ABCC6: variants seen among roughly 807,000 people sequenced by gnomAD.
ABCC6 encodes the protein ATP binding cassette subfamily C member 6.
Under a neutral mutation model 169.5 loss-of-function variants are expected in ABCC6, and 126 were observed. That is an observed-to-expected ratio of 0.74 (90% CI 0.64 to 0.86). The LOEUF is 0.86. Among genes scored for constraint, ABCC6 ranks in the 40% least tolerant of loss-of-function variants. The pLI is 0.00. For synonymous variants in ABCC6, 752 were observed against 814.7 expected, an observed-to-expected ratio of 0.92 and a Z score of 1.31; for missense variants, 1,733 against 1,927.2, an observed-to-expected ratio of 0.90 and a Z score of 1.89.
At chr16:16,161,259 G>T (rs1447963405) in intron 25 of ABCC6, among the ~76,000 whole-genome samples, 179 bp downstream of exon 25, 1 of 152,080 alleles carries the variant, frequency 6.6e-6, no homozygotes, top group Non-Finnish European at 1.5e-5. Flanking sequence ...CTTGCCCAAG[G>T]TTGCAAGTTC....
At chr16:16,167,289 G>A (rs2046908692) in intron 22 of ABCC6, among the ~76,000 whole-genome samples, 1 of 152,152 alleles carries the variant, frequency 6.6e-6, no homozygotes, top group African/African-American at 2.4e-5. Context: ...CTGGAGCCGT[G>A]GAATATCATC....
In ABCC6 at chr16:16,169,718, G is replaced by A. The variant is rs1374853367; in HGVS notation, c.2923C>T (p.Pro975Ser). The A allele has an allele frequency of 6.2e-7, 1 of 1,610,776 alleles. No homozygotes were observed. The highest frequency in any genetic ancestry group is 1.7e-5 in the Admixed American group (1 of 59,784). Residue 975 changes from proline (P) to serine (S), a missense_variant, in exon 22 of 31, where the codon CCT becomes TCT. This residue lies in a region of ABCC6 where 1,601 missense variants were observed against 1,635.5 expected (regional missense o/e 0.98). Coordinates refer to ENST00000205557, the MANE Select transcript of ABCC6 (RefSeq NM_001171.6). ...TGCGTCTGCTGCCCACCTACTGCAGGGTCGTCCGCCCACAGGCTCAGCCAG... is the reference window on the plus strand; with the variant it reads ...TGCGTCTGCTGCCCACCTACTGCAGAGTCGTCCGCCCACAGGCTCAGCCAG... ...GYWLSLWADD[P>S]AVGGQQTQAA... is the part of the protein sequence containing the mutation.
intron 7 of ABCC6, 76 bp from the exon 8 acceptor site, chr16:16,203,689 G>A: frequency 6.4e-7 from 1 of 1,557,104 alleles, no homozygotes; most frequent in South Asian, 1.1e-5. Flanking sequence ...AGGCATTAAA[G>A]GGTTGTTTTC....
chr16:16,201,044 G>A (rs1219721375), intron 9 of ABCC6, among the ~76,000 whole-genome samples: 1 of 152,050 alleles, frequency 6.6e-6, no homozygotes, highest in Non-Finnish European at 1.5e-5. Context: ...TCAGTTCACT[G>A]CAACCTCCAC....
chr16:16,210,909 C>T lies in ABCC6; in HGVS notation c.662+1276G>A, dbSNP rs1283997725. On this transcript the variant is annotated intron_variant, in intron 6 of 30. Transcript: ENST00000205557. ...AGGAGTTTGAGACCAGCTTGGCCAA[C>T]GTGGTGAAACCCGGTCTCTACAAAA... Among the ~76,000 whole-genome samples the T allele has an allele frequency of 7.2e-5, 11 of 152,230 alleles. No homozygotes were observed. The South Asian group carries it at 1.9e-3, about 26-fold the overall frequency.
At chr16:16,150,433 T>G (rs2046353687) in intron 30 of ABCC6, 145 bp downstream of exon 30, 2 of 1,495,912 alleles carry the variant, frequency 1.3e-6, no homozygotes, top group Non-Finnish European at 1.8e-6. Flanking sequence ...CCACTTGGCA[T>G]GTGTTCCCGG....
Position 16,203,540 on chromosome 16 carries a change from G to C in ABCC6, c.868C>G (p.Arg290Gly). Residue 290 changes from arginine to glycine, a missense_variant, in exon 8 of 31, where the codon CGG becomes GGG. Transcript: ENST00000205557. Reference sequence around the variant, plus strand: ...GGGCGCCACTGGCTCCCTTCTTGCCGTAGGAAGGGCTCGGTCTCTGGAGCC... The same window carrying C: ...GGGCGCCACTGGCTCCCTTCTTGCCCTAGGAAGGGCTCGGTCTCTGGAGCC... Reference protein sequence around the residue: ...MKAPETEPFLRQEGSQWRPLL... With the variant: ...MKAPETEPFLGQEGSQWRPLL... The C allele has an allele frequency of 6.2e-7, 1 of 1,614,016 alleles. No individual in the cohort carries two copies. The highest frequency in any genetic ancestry group is 1.7e-5 in the Admixed American group (1 of 60,022).
intron 17 of ABCC6, 21 bp downstream of exon 17, chr16:16,182,391 A>G: frequency 1.2e-6 from 2 of 1,613,172 alleles, no homozygotes; most frequent in Middle Eastern, 1.9e-4. Context: ...CCCTGTCCCA[A>G]AAAGACCCCC....
At position 16,161,542 on chromosome 16, in the gene ABCC6, G is replaced by C. The variant is rs1245430027; in HGVS notation, c.3529C>G (p.Leu1177Val). 29 of 1,613,834 alleles carry C rather than the reference G, an allele frequency of 1.8e-5. No homozygotes were observed. Among genetic ancestry groups the C allele is most frequent in the Non-Finnish European group, 2.3e-5 (27 of 1,180,024 alleles). Residue 1177 changes from leucine (L) to valine (V), a missense_variant, in exon 25 of 31, where the codon CTC becomes GTC. Physicochemically the swap from Leu to Val is conservative, Grantham distance 32. This residue lies in a region of ABCC6 where 1,601 missense variants were observed against 1,635.5 expected (regional missense o/e 0.98). Coordinates refer to ENST00000205557, the MANE Select transcript of ABCC6 (RefSeq NM_001171.6). ...ADRWLAANVE[L>V]LGNGLVFAAA... Reference sequence around the variant, plus strand: ...GCAAACACCAGGCCATTCCCCAGGAGCTCCACATTGGCCGCAAGCCACCTG... The same window carrying C: ...GCAAACACCAGGCCATTCCCCAGGACCTCCACATTGGCCGCAAGCCACCTG...
chr16:16,157,908 G>T, intron 26 of ABCC6, 99 bp from the exon 27 acceptor site: 2 of 1,323,086 alleles, frequency 1.5e-6, no homozygotes, highest in Non-Finnish European at 2.1e-6. Flanking sequence ...TCCGCAAAAT[G>T]GACGTATTTA....
chr16:16,205,843 G>C (rs533900400), intron 7 of ABCC6, among the ~76,000 whole-genome samples: 1 of 152,188 alleles, frequency 6.6e-6, no homozygotes, highest in African/African-American at 2.4e-5. Context: ...CTTGTCAAAT[G>C]AATGGGAAAA....
In ABCC6 at chr16:16,169,852, A is replaced by C; in HGVS notation, c.2789T>G (p.Val930Gly). 1 of 1,552,224 alleles carries C rather than the reference A, an allele frequency of 6.4e-7. No homozygotes were observed. Among genetic ancestry groups the C allele is most frequent in the Non-Finnish European group, 8.7e-7 (1 of 1,148,042 alleles). Residue 930 changes from valine (V) to glycine (G), a missense_variant and splice_region_variant, in exon 22 of 31, where the codon GTG becomes GGG. Transcript: ENST00000205557. ...GTAGGCCAGGTGCACTGTGGCCTTCACCTGTAGCACACATGAGGGAGAGGG... is the reference window on the plus strand; with the variant it reads ...GTAGGCCAGGTGCACTGTGGCCTTCCCCTGTAGCACACATGAGGGAGAGGG... ...AGKDSIQYGR[V>G]KATVHLAYLR...
chr16:16,220,099 A>C (rs939754379), intron 2 of ABCC6, 152 bp from the exon 3 acceptor site: 1 of 665,568 alleles, frequency 1.5e-6, no homozygotes, highest in Non-Finnish European at 2.7e-6. Context: ...TGCCAATGTG[A>C]ACAATGTGTA....
chr16:16,174,388 C>T (rs1452214065), intron 20 of ABCC6, among the ~76,000 whole-genome samples: 2 of 152,148 alleles, frequency 1.3e-5, no homozygotes, highest in African/African-American at 4.8e-5. Flanking sequence ...TCTTTGACCC[C>T]GTGGCTGTAC....
chr16:16,170,804 A>C (rs887704359), intron 21 of ABCC6, among the ~76,000 whole-genome samples: 4 of 151,042 alleles, frequency 2.6e-5, no homozygotes, highest in African/African-American at 7.3e-5. Context: ...CTGTAGTCCC[A>C]GCTACTCGAG....
rs148152128 is a variant in ABCC6 at position 16,160,049 on chromosome 16, C to T, written c.3634-466G>A. 7.0e-3 allele frequency among the ~76,000 whole-genome samples: 1,070 copies of T among 152,244 alleles called. 11 individuals are homozygous for T. Among genetic ancestry groups the T allele is most frequent in the Middle Eastern group, 0.027 (8 of 294 alleles). On this transcript the variant is annotated intron_variant, in intron 25 of 30. Transcript: ENST00000205557. Reference sequence around the variant, plus strand: ...GCCATCCCATCCCCAACCTTGTCTCCCAGCACCCCTGCCTTCACCCACCCT... The same window carrying T: ...GCCATCCCATCCCCAACCTTGTCTCTCAGCACCCCTGCCTTCACCCACCCT...
At position 16,221,849 on chromosome 16, in the gene ABCC6, G is replaced by A. The variant is rs2049086175; in HGVS notation, c.37-18C>T. 6.2e-7 allele frequency: 1 copy of A among 1,612,624 alleles called. No individual in the cohort carries two copies. The highest frequency in any genetic ancestry group is 8.5e-7 in the Non-Finnish European group (1 of 1,179,708). ...TTCCAGACCTGAGGGAACACAAAGAGGACCCTTAGGATGGTACAAGGCAGG... is the reference window on the plus strand; with the variant it reads ...TTCCAGACCTGAGGGAACACAAAGAAGACCCTTAGGATGGTACAAGGCAGG... On this transcript the variant is annotated intron_variant, in intron 1 of 30. Transcript: ENST00000205557.
intron 4 of ABCC6, among the ~76,000 whole-genome samples, chr16:16,215,816 G>A (rs2048851954): frequency 6.6e-6 from 1 of 152,034 alleles, no homozygotes; most frequent in African/African-American, 2.4e-5. Flanking sequence ...TTTGATACAG[G>A]CATGCAATGC....
chr16:16,172,300 G>A (rs2047130110), intron 21 of ABCC6, among the ~76,000 whole-genome samples: 1 of 31,222 alleles, frequency 3.2e-5, no homozygotes, highest in Non-Finnish European at 6.5e-5. Context: ...AAATGAGTGA[G>A]TGGGATGGAT....
Sources: gnomAD v4.1 joint callset for allele counts (sites outside exome capture counted in the v4.1 genomes callset) on GRCh38, gnomAD v4.1.1 for gene constraint, gnomAD v4.1.1 regional missense constraint, MANE v1.5 for transcripts, NCBI Gene and HGNC (gene_info 2026-07-23, HGNC 2026-07-21) for gene names.